Variants in DENND5A observed in about 807,000 individuals in gnomAD.
The protein encoded by DENND5A is DENN domain containing 5A.
Under a neutral mutation model 140.3 loss-of-function variants are expected in DENND5A, and 64 were observed. That is an observed-to-expected ratio of 0.46 (90% confidence interval 0.37 to 0.56). The LOEUF (loss-of-function observed/expected upper bound fraction) is 0.56, where lower values mean the gene tolerates loss of function less well. Among genes scored for constraint, DENND5A ranks in the 20% least tolerant of loss-of-function variants. DENND5A has a pLI of 0.00. For synonymous variants in DENND5A, 605 were observed against 607.7 expected, an observed-to-expected ratio of 1.00 and a Z score of 0.07; for missense variants, 1,292 against 1,593.8, an observed-to-expected ratio of 0.81 and a Z score of 3.22.
intron 5 of DENND5A, among the ~76,000 whole-genome samples, chr11:9,183,336 G>A (rs1848797107): frequency 6.6e-6 from 1 of 152,058 alleles, no homozygotes; most frequent in South Asian, 2.1e-4. Flanking sequence ...TTAGCACAGT[G>A]CCAGGCACAT....
At chr11:9,218,212 T>C (rs981910813) in intron 1 of DENND5A, among the ~76,000 whole-genome samples, 2 of 150,954 alleles carry the variant, frequency 1.3e-5, no homozygotes, top group East Asian at 1.9e-4. Context: ...TGAGCTGAGA[T>C]AGCACCACTG....
intron 5 of DENND5A, among the ~76,000 whole-genome samples, chr11:9,183,695 C>T (rs1441426953): frequency 6.6e-6 from 1 of 152,104 alleles, no homozygotes; most frequent in African/African-American, 2.4e-5. Context: ...AGGTGTGAGC[C>T]ACCACACCCA....
At chr11:9,141,850 G>A (rs1590200792) in intron 22 of DENND5A, 90 bp downstream of exon 22, 1 of 1,265,536 alleles carries the variant, frequency 7.9e-7, no homozygotes, top group Admixed American at 2.9e-5. Flanking sequence ...GGCACCTGAT[G>A]AGCCATTCCT....
chr11:9,139,857 G>A lies in DENND5A; in HGVS notation c.3681-3C>T. 1 of 1,613,574 alleles carries A rather than the reference G, an allele frequency of 6.2e-7. No individual in the cohort carries two copies. Among genetic ancestry groups the A allele is most frequent in the Non-Finnish European group, 8.5e-7 (1 of 1,179,792 alleles). On this transcript the variant is annotated splice_region_variant and splice_polypyrimidine_tract_variant and intron_variant, in intron 22 of 22. Transcript: ENST00000328194. ...TCCAGTGGTGTAGGAGGTGATCTCT[G>A]GCAGAGCGGGAGCAGTCCAGGCAGG...
At chr11:9,258,991 T>C (rs1399659295) in intron 1 of DENND5A, among the ~76,000 whole-genome samples, 2 of 152,204 alleles carry the variant, frequency 1.3e-5, no homozygotes, top group South Asian at 2.1e-4. Flanking sequence ...CTGGGCGCAG[T>C]GGCTCACACC....
chr11:9,214,593 G>C (rs1850012683), intron 1 of DENND5A, among the ~76,000 whole-genome samples: 1 of 152,190 alleles, frequency 6.6e-6, no homozygotes, highest in Non-Finnish European at 1.5e-5. Flanking sequence ...TCCTTGAAGA[G>C]ACAGGCTGTA....
chr11:9,143,553 G>A (rs970872531), intron 19 of DENND5A, 68 bp from the exon 20 acceptor site: 14 of 1,324,608 alleles, frequency 1.1e-5, no homozygotes, highest in African/African-American at 1.4e-5. Flanking sequence ...GCCTGAGCAG[G>A]AGACTGAGGA....
At chr11:9,211,959 A>T (rs1048231329) in intron 1 of DENND5A, among the ~76,000 whole-genome samples, 1 of 151,828 alleles carries the variant, frequency 6.6e-6, no homozygotes, top group African/African-American at 2.4e-5. Flanking sequence ...ACAGATCTCA[A>T]CAGAGAACAG....
intron 1 of DENND5A, among the ~76,000 whole-genome samples, chr11:9,234,320 C>A (rs529243582): frequency 4.6e-5 from 7 of 151,946 alleles, no homozygotes; most frequent in African/African-American, 9.7e-5. Context: ...CGATCCCCCC[C>A]CCAAAAAAAT....
chr11:9,141,200 A>G (rs962618207), intron 22 of DENND5A, among the ~76,000 whole-genome samples: 1 of 152,208 alleles, frequency 6.6e-6, no homozygotes, highest in African/African-American at 2.4e-5. Flanking sequence ...ACCAACTTCC[A>G]TAAGGCCATT....
chr11:9,212,908 T>C (rs979972210), intron 1 of DENND5A, among the ~76,000 whole-genome samples: 1 of 151,688 alleles, frequency 6.6e-6, no homozygotes, highest in African/African-American at 2.4e-5. Flanking sequence ...GGAAGGTAGA[T>C]GGGTGTGGCT....
intron 1 of DENND5A, among the ~76,000 whole-genome samples, chr11:9,237,016 CA>C (rs1851031672): frequency 6.6e-6 from 1 of 152,042 alleles, no homozygotes; most frequent in Admixed American, 6.6e-5. Context: ...ATAAACACCA[CA>C]ACAGAAATAT....
At chr11:9,260,124 C>G (rs940717673) in intron 1 of DENND5A, among the ~76,000 whole-genome samples, 2 of 151,446 alleles carry the variant, frequency 1.3e-5, no homozygotes, top group African/African-American at 4.8e-5. Flanking sequence ...TCCCATCTAT[C>G]CTTATCCCTA....
At chr11:9,140,247 C>A (rs1444741804) in intron 22 of DENND5A, 1 of 1,293,814 alleles carries the variant, frequency 7.7e-7, no homozygotes, top group South Asian at 1.2e-5. Context: ...TTCATGATAA[C>A]CCTGTGATAT....
At position 9,145,592 on chromosome 11, in the gene DENND5A, A is replaced by G. The variant is rs1305554341; in HGVS notation, c.3003+78T>C. 2.0e-6 allele frequency: 3 copies of G among 1,506,232 alleles called. No homozygotes were observed. In the Admixed American group the frequency reaches 5.1e-5, roughly 26 times the overall value. 93.3% of individuals were successfully genotyped at this position (1,506,232 alleles called of 1,614,324 possible). A position where few individuals can be genotyped will look rare whatever the true frequency, so the allele number is the denominator to read the frequency against. On this transcript the variant is annotated intron_variant, in intron 17 of 22. Coordinates refer to ENST00000328194, the MANE Select transcript of DENND5A (RefSeq NM_015213.4). Reference sequence around the variant, plus strand: ...CACTGTACATAGCAAGCCCTCTGAAAAACCCTGCAGAAAACTCCCCAAAGC... The same window carrying G: ...CACTGTACATAGCAAGCCCTCTGAAGAACCCTGCAGAAAACTCCCCAAAGC...
At chr11:9,190,432 G>A (rs1398409320) in intron 5 of DENND5A, among the ~76,000 whole-genome samples, 2 of 152,138 alleles carry the variant, frequency 1.3e-5, no homozygotes, top group Non-Finnish European at 2.9e-5. Flanking sequence ...TGCTGTTCTC[G>A]TGATAGTGAA....
At chr11:9,253,341 C>G (rs1250929768) in intron 1 of DENND5A, among the ~76,000 whole-genome samples, 1 of 152,180 alleles carries the variant, frequency 6.6e-6, no homozygotes, top group Non-Finnish European at 1.5e-5. Flanking sequence ...GGTTTAAGCA[C>G]CAAACACTGT....
chr11:9,219,764 T>C (rs1850235679), intron 1 of DENND5A, among the ~76,000 whole-genome samples: 1 of 152,234 alleles, frequency 6.6e-6, no homozygotes, highest in Non-Finnish European at 1.5e-5. Flanking sequence ...CCAAGGGATC[T>C]GTGAGCCAAA....
chr11:9,150,059 A>T, intron 15 of DENND5A, 22 bp downstream of exon 15: 1 of 1,599,808 alleles, frequency 6.3e-7, no homozygotes, highest in Non-Finnish European at 8.5e-7. Context: ...GCCTGCTTCT[A>T]CTCCTGGCGG....
Sources: allele counts gnomAD v4.1 joint callset (sites outside exome capture counted in the v4.1 genomes callset), GRCh38; gene constraint gnomAD v4.1.1; transcripts MANE v1.5; gene names NCBI Gene and HGNC (gene_info 2026-07-23, HGNC 2026-07-21).